The following ZNF675 variants were observed in gnomAD, a reference collection of about 807,000 sequenced individuals.
ZNF675 encodes the protein TRAF6 inhibitory zinc finger.
A neutral mutation model predicts 56.1 loss-of-function variants in ZNF675; 36 were observed. The ratio of observed to expected loss-of-function variants is 0.64; its 90% CI spans 0.49 to 0.85. ZNF675 has a LOEUF of 0.85. ZNF675 is among the 40% of genes least tolerant of loss of function. ZNF675 has a pLI of 0.00. For synonymous variants in ZNF675, 200 were observed against 218.9 expected (o/e 0.91, Z 0.76); for missense variants, 663 against 654.2 (o/e 1.01, Z -0.15).
At chr19:23,664,649 G>C (rs1314290120) in intron 1 of ZNF675, among the ~76,000 whole-genome samples, 1 of 152,108 alleles carries the variant, frequency 6.6e-6, no homozygotes, top group Non-Finnish European at 1.5e-5. Flanking sequence ...GTCACAAGAG[G>C]CACTTAATTA....
At chr19:23,685,666 A>AT (rs1328822430) in intron 1 of ZNF675, among the ~76,000 whole-genome samples, 1 of 152,212 alleles carries the variant, frequency 6.6e-6, no homozygotes, top group Admixed American at 6.5e-5. Context: ...ACAGAAAACG[A>AT]TTTTTTTAAG....
intron 1 of ZNF675, among the ~76,000 whole-genome samples, chr19:23,673,752 T>C (rs987856063): frequency 3.3e-5 from 5 of 152,160 alleles, no homozygotes; most frequent in Admixed American, 2.0e-4. Flanking sequence ...GACAGGTTGA[T>C]AGGTGGAGCA....
At chr19:23,668,660 G>A (rs1208156398) in intron 1 of ZNF675, among the ~76,000 whole-genome samples, 2 of 152,218 alleles carry the variant, frequency 1.3e-5, no homozygotes, top group East Asian at 1.9e-4. Context: ...CTGCAGTCCC[G>A]AGGCCTGCCC....
intron 1 of ZNF675, among the ~76,000 whole-genome samples, chr19:23,665,148 C>T (rs1390347824): frequency 6.6e-6 from 1 of 151,882 alleles, no homozygotes; most frequent in Non-Finnish European, 1.5e-5. Flanking sequence ...AGTTCCTGAC[C>T]AGCCTGGCCA....
At chr19:23,686,879 G>T (rs954402620) in intron 1 of ZNF675, 152 bp downstream of exon 1, 3 of 915,424 alleles carry the variant, frequency 3.3e-6, no homozygotes, top group Non-Finnish European at 5.3e-6. Context: ...CCATCTTATG[G>T]CTGCAGGGGA....
chr19:23,669,303 G>A (rs1256773390), intron 1 of ZNF675, among the ~76,000 whole-genome samples: 1 of 20,752 alleles, frequency 4.8e-5, no homozygotes, highest in Non-Finnish European at 1.3e-4. Context: ...GCAGCGGGCA[G>A]TTCGCCCAGG....
chr19:23,668,344 T>C (rs1164728064), intron 1 of ZNF675, among the ~76,000 whole-genome samples: 3 of 151,646 alleles, frequency 2.0e-5, no homozygotes, highest in Non-Finnish European at 4.4e-5. Flanking sequence ...AGATACAGAG[T>C]GTCGATTGGT....
chr19:23,679,284 T>C (rs1316215260), intron 1 of ZNF675, among the ~76,000 whole-genome samples: 1 of 151,510 alleles, frequency 6.6e-6, no homozygotes, highest in African/African-American at 2.4e-5. Context: ...AAGAGAAATA[T>C]GGGAATAATT....
At chr19:23,658,691 A>C (rs1183350224) in intron 3 of ZNF675, 2 of 151,712 alleles carry the variant, frequency 1.3e-5, no homozygotes, top group Non-Finnish European at 2.9e-5. Context: ...AAAAAAAGAC[A>C]GAAATTTTAC....
intron 1 of ZNF675, among the ~76,000 whole-genome samples, chr19:23,669,433 T>C (rs12976281): frequency 0.62 from 93,704 of 151,514 alleles, 29,805 homozygotes; most frequent in Middle Eastern, 0.71. Flanking sequence ...AAAGGTTATA[T>C]AAGTCAGAGG....
At chr19:23,685,860 C>T (rs1968436319) in intron 1 of ZNF675, among the ~76,000 whole-genome samples, 1 of 152,136 alleles carries the variant, frequency 6.6e-6, no homozygotes, top group Non-Finnish European at 1.5e-5. Context: ...GAGGGGTAGG[C>T]TTGAGACCCA....
Position 23,652,853 on chromosome 19 carries a change from A to G in ZNF675, c.*373T>C, listed in dbSNP as rs1967929530. On this transcript the variant is annotated 3_prime_UTR_variant, in exon 4 of 4. Transcript: ENST00000359788. ...TTTGTAATCTTTGTCTTCAAAACGAATACTCTTCTTCACTTTAAAGGCTTA... is the reference window on the plus strand; with the variant it reads ...TTTGTAATCTTTGTCTTCAAAACGAGTACTCTTCTTCACTTTAAAGGCTTA... The G allele has an allele frequency of 6.1e-6, 1 of 165,074 alleles. No individual in the cohort carries two copies. The allele number at this position is 165,074 out of a possible 1,614,324, so 10.2% of individuals were successfully genotyped here. A position where few individuals can be genotyped will look rare whatever the true frequency, so the allele number is the denominator to read the frequency against.
intron 1 of ZNF675, among the ~76,000 whole-genome samples, chr19:23,679,647 A>T (rs964105905): frequency 2.2e-5 from 3 of 134,672 alleles, no homozygotes; most frequent in African/African-American, 8.8e-5. Flanking sequence ...AGAATCCATA[A>T]TGAACTTAAA....
Position 23,663,106 on chromosome 19 carries a change from T to G in ZNF675, c.56A>C (p.Gln19Pro). The change falls in exon 2 of 4, where the codon CAA (glutamine) becomes CCA (proline). Residue 19 changes from glutamine to proline, a missense_variant. Gln to Pro is a moderately conservative substitution (Grantham distance 76). Coordinates refer to ENST00000359788, the MANE Select transcript of ZNF675 (RefSeq NM_138330.3). ...ATTCCGCTGTGCAGTGTCCAGGCAT[T>G]GCCATTCTTCCAGAGAGAATTCTAT... ...VAIEFSLEEW[Q>P]CLDTAQRNLY... 1 of 1,611,088 alleles carries G rather than the reference T, an allele frequency of 6.2e-7. No individual in the cohort carries two copies. The highest frequency in any genetic ancestry group is 1.7e-5 in the Admixed American group (1 of 59,614).
intron 1 of ZNF675, among the ~76,000 whole-genome samples, chr19:23,664,546 A>G (rs577830370): frequency 1.6e-4 from 24 of 152,352 alleles, no homozygotes; most frequent in Admixed American, 1.4e-3. Flanking sequence ...CAAACCAAAC[A>G]GAACCAGCCC....
rs796874448 is a variant in ZNF675 at position 23,674,060 on chromosome 19, G to A, written c.4-10902C>T. 1.1e-4 allele frequency among the ~76,000 whole-genome samples: 16 copies of A among 151,310 alleles called. No individual in the cohort carries two copies. In the Middle Eastern group the frequency reaches 0.014, roughly 130 times the overall value. ...TCTACTAAAAATACAAAAATCAGCC[G>A]GGCATGGTGGTGGGCACCTGTAATT... On this transcript the variant is annotated intron_variant, in intron 1 of 3. Transcript: ENST00000359788.
intron 1 of ZNF675, among the ~76,000 whole-genome samples, chr19:23,672,494 A>G (rs115258131): frequency 0.011 from 1,744 of 152,320 alleles, 35 homozygotes; most frequent in African/African-American, 0.039. Flanking sequence ...CCATGTTGAC[A>G]TCTCACAATG....
At chr19:23,662,617 T>C (rs1968094233) in intron 2 of ZNF675, among the ~76,000 whole-genome samples, 1 of 152,230 alleles carries the variant, frequency 6.6e-6, no homozygotes, top group South Asian at 2.1e-4. Context: ...GAAACTCATT[T>C]ATGCAAAGCA....
rs749067276 is a variant in ZNF675 at position 23,654,435 on chromosome 19, A to G, written c.498T>C (p.His166=). 1.9e-5 allele frequency: 30 copies of G among 1,609,352 alleles called. No individual in the cohort carries two copies. The highest frequency in any genetic ancestry group is 2.5e-5 in the Non-Finnish European group (30 of 1,177,880). ...FSHSDRHKIK[H]MENKPFKCKE... ...TACATTTGAAAGGTTTATTTTCCAT[A>G]TGTTTTATCTTATGTCTATCTGAAT... Residue 166 remains histidine, a synonymous_variant, in exon 4 of 4, where the codon CAT becomes CAC. Coordinates refer to ENST00000359788, the MANE Select transcript of ZNF675 (RefSeq NM_138330.3).
Sources: allele counts gnomAD v4.1 joint callset (sites outside exome capture counted in the v4.1 genomes callset), GRCh38; gene constraint gnomAD v4.1.1; transcripts MANE v1.5; gene names NCBI Gene and HGNC (gene_info 2026-07-23, HGNC 2026-07-21).